Variants in DOCK9 observed in about 807,000 individuals in gnomAD.
DOCK9 encodes dedicator of cytokinesis 9.
In DOCK9, 89 loss-of-function variants were observed where a neutral mutation model predicts 263.3. The observed-to-expected ratio is 0.34, with a 90% CI of 0.28 to 0.40. The LOEUF is 0.40. Ranked by LOEUF, DOCK9 falls within the 10% of genes least tolerant of loss-of-function variation. The pLI is 1.00. For missense variants in DOCK9, 2,140 were observed against 2,603.4 expected, an observed-to-expected ratio of 0.82 and a Z score of 3.87; for synonymous variants, 976 against 973.1, an observed-to-expected ratio of 1.00 and a Z score of -0.06.
At chr13:99,001,992 C>G (rs1882430588) in intron 1 of DOCK9, among the ~76,000 whole-genome samples, 1 of 152,200 alleles carries the variant, frequency 6.6e-6, no homozygotes, top group African/African-American at 2.4e-5. Context: ...CACTCCCCAC[C>G]TACGCTTACA....
At chr13:98,936,264 C>T (rs1449274987) in intron 2 of DOCK9, among the ~76,000 whole-genome samples, 1 of 152,012 alleles carries the variant, frequency 6.6e-6, no homozygotes, top group East Asian at 1.9e-4. Flanking sequence ...ACCCACATGC[C>T]CTTCTTTACC....
Position 98,840,249 on chromosome 13 carries a change from G to A in DOCK9, c.4199-2640C>T, listed in dbSNP as rs562602179. Among the ~76,000 whole-genome samples the A allele has an allele frequency of 5.3e-5, 8 of 152,328 alleles. No homozygotes were observed. The South Asian group carries it at 1.7e-3, about 32-fold the overall frequency. ...TGGCAATGTTTTGAAAGCTGATTAA[G>A]CAGCTTTTGACCCGGGCAAGTAAGG... On this transcript the variant is annotated intron_variant, in intron 38 of 52. Transcript: ENST00000682017.
At chr13:98,843,461 C>T (rs957507560) in intron 38 of DOCK9, among the ~76,000 whole-genome samples, 2 of 152,076 alleles carry the variant, frequency 1.3e-5, no homozygotes, top group Non-Finnish European at 2.9e-5. Flanking sequence ...AAAGAGCTAG[C>T]GGAGGGAAAA....
chr13:98,826,394 T>C (rs2092539564), intron 44 of DOCK9, among the ~76,000 whole-genome samples: 1 of 152,120 alleles, frequency 6.6e-6, no homozygotes, highest in African/African-American at 2.4e-5. Context: ...CTCTGGGAGA[T>C]AAGGTTTCCA....
At chr13:98,912,235 G>A (rs1027970329) in intron 9 of DOCK9, among the ~76,000 whole-genome samples, 1 of 152,140 alleles carries the variant, frequency 6.6e-6, no homozygotes, top group African/African-American at 2.4e-5. Flanking sequence ...AAGAGTACAT[G>A]TATAAGTCCA....
At chr13:99,021,804 G>C (rs1003311213) in intron 1 of DOCK9, among the ~76,000 whole-genome samples, 3 of 152,016 alleles carry the variant, frequency 2.0e-5, no homozygotes, top group South Asian at 2.1e-4. Context: ...GAACACCGGG[G>C]CCTGTCAAGG....
At chr13:99,069,225 A>G (rs117520969) in intron 1 of DOCK9, among the ~76,000 whole-genome samples, 2 of 152,312 alleles carry the variant, frequency 1.3e-5, no homozygotes, top group East Asian at 3.9e-4. Context: ...ATTGACTACT[A>G]AATTAGTTCT....
chr13:98,883,053 T>G lies in DOCK9; in HGVS notation c.2548A>C (p.Lys850Gln), dbSNP rs2045083346. The G allele has an allele frequency of 6.2e-7, 1 of 1,613,686 alleles. No individual in the cohort carries two copies. Among genetic ancestry groups the G allele is most frequent in the Non-Finnish European group, 8.5e-7 (1 of 1,179,768 alleles). The change falls in exon 23 of 53, where the codon AAG (lysine) becomes CAG (glutamine). Residue 850 changes from lysine (K) to glutamine (Q), a missense_variant. Lys to Gln is a moderately conservative substitution (Grantham distance 53). Coordinates refer to ENST00000682017, the MANE Select transcript of DOCK9 (RefSeq NM_001366683.2). ...AAGCCATGTGATACCTTAAGGTACT[T>G]TACAAGTTCGTTTCCTAAGGCTTGG... ...GAQALGNELV[K>Q]YLKSLHAMEG...
At chr13:98,849,426 C>A (rs1470784049) in intron 36 of DOCK9, among the ~76,000 whole-genome samples, 1 of 128,504 alleles carries the variant, frequency 7.8e-6, no homozygotes, top group East Asian at 2.1e-4. Context: ...AATAGTTCTG[C>A]AGAAATTCTT....
Position 98,923,291 on chromosome 13 carries a change from A to C in DOCK9, c.486+11T>G. On this transcript the variant is annotated intron_variant, in intron 5 of 52. Coordinates refer to ENST00000682017, the MANE Select transcript of DOCK9 (RefSeq NM_001366683.2). ...AGTGAAAAGAGAAGCAACAGCAAGC[A>C]GGTATCCCACCTCATCTTTGTCGAC... 6.2e-7 allele frequency: 1 copy of C among 1,611,488 alleles called. No homozygotes were observed. Among genetic ancestry groups the C allele is most frequent in the Non-Finnish European group, 8.5e-7 (1 of 1,177,676 alleles).
chr13:98,992,253 T>C (rs1879983837), intron 1 of DOCK9, among the ~76,000 whole-genome samples: 1 of 152,162 alleles, frequency 6.6e-6, no homozygotes, highest in African/African-American at 2.4e-5. Flanking sequence ...ACTCTTATCA[T>C]GTCAGGATCA....
At chr13:98,868,496 G>GCTCA in intron 27 of DOCK9, 119 bp from the exon 28 acceptor site, 1 of 1,177,732 alleles carries the variant, frequency 8.5e-7, no homozygotes. Context: ...GGGTGCTGTG[G>GCTCA]CTCACACTTG....
At chr13:99,031,574 A>G (rs1187944133) in intron 1 of DOCK9, among the ~76,000 whole-genome samples, 1 of 152,220 alleles carries the variant, frequency 6.6e-6, no homozygotes, top group East Asian at 1.9e-4. Flanking sequence ...GTGGTCCTCT[A>G]TTTGAGAAAC....
At chr13:98,828,947 A>G (rs2092653597) in intron 43 of DOCK9, among the ~76,000 whole-genome samples, 1 of 152,226 alleles carries the variant, frequency 6.6e-6, no homozygotes, top group Non-Finnish European at 1.5e-5. Context: ...CAGAGGAGAA[A>G]GCAACACCTG....
At chr13:99,038,024 G>A (rs974084949) in intron 1 of DOCK9, among the ~76,000 whole-genome samples, 31 of 152,102 alleles carry the variant, frequency 2.0e-4, no homozygotes, top group Non-Finnish European at 3.5e-4. Context: ...TGTGGTAATG[G>A]TTTTACAGAT....
Position 98,850,148 on chromosome 13 carries a change from A to C in DOCK9, c.3947-35T>G, listed in dbSNP as rs371198931. On this transcript the variant is annotated intron_variant, in intron 35 of 52. Transcript: ENST00000682017. ...AAACATTTACTTAGAATCACAATAC[A>C]TATGATATACATTATGGAGAATCAC... is the stretch of plus-strand genomic sequence containing the variant. The C allele has an allele frequency of 1.1e-5, 15 of 1,338,666 alleles. No individual in the cohort carries two copies. In the African/African-American group the frequency reaches 1.9e-4, roughly 17 times the overall value. 82.9% of individuals were successfully genotyped at this position (1,338,666 alleles called of 1,614,324 possible).
chr13:98,974,561 C>T (rs2060032867), intron 1 of DOCK9, among the ~76,000 whole-genome samples: 1 of 151,880 alleles, frequency 6.6e-6, no homozygotes, highest in African/African-American at 2.4e-5. Flanking sequence ...ACCAGCCTGA[C>T]CAATATGATG....
rs774520246 is a variant in DOCK9 at position 98,897,594 on chromosome 13, C to T, written c.1603G>A (p.Ala535Thr). 3.1e-6 allele frequency: 5 copies of T among 1,613,674 alleles called. No individual in the cohort carries two copies. The highest frequency in any genetic ancestry group is 1.7e-5 in the Admixed American group (1 of 60,000). Residue 535 changes from alanine (A) to threonine (T), a missense_variant, in exon 15 of 53, where the codon GCA (alanine) becomes ACA (threonine). By Grantham distance (58) the Ala-to-Thr change is moderately conservative. Coordinates refer to ENST00000682017, the MANE Select transcript of DOCK9 (RefSeq NM_001366683.2). ...AWAARTLFKD[A>T]SGNLDKNARF... ...GCATTTTTGTCAAGATTTCCAGATG[C>T]ATCCTTAAACAATGTCCTGAAATGG...
intron 1 of DOCK9, among the ~76,000 whole-genome samples, chr13:99,053,988 G>A (rs1020006537): frequency 2.0e-5 from 3 of 152,138 alleles, no homozygotes; most frequent in Admixed American, 6.5e-5. Context: ...TGCCTAACAC[G>A]GTAAGCAAGA....
Sources: allele counts gnomAD v4.1 joint callset (sites outside exome capture counted in the v4.1 genomes callset), GRCh38; gene constraint gnomAD v4.1.1; transcripts MANE v1.5; gene names NCBI Gene and HGNC (gene_info 2026-07-23, HGNC 2026-07-21).